GALK1: variants seen among roughly 807,000 people sequenced by gnomAD.
The protein encoded by GALK1 is galactokinase 1.
In GALK1, 30 loss-of-function variants were observed where a neutral mutation model predicts 38.6. That is an observed-to-expected ratio of 0.78 (90% CI 0.58 to 1.05). The LOEUF (loss-of-function observed/expected upper bound fraction) is 1.05. Among genes scored for constraint, GALK1 ranks in the 50% least tolerant of loss-of-function variants. The pLI, the probability that GALK1 is intolerant of heterozygous loss-of-function variation, is 0.00. For missense variants in GALK1, 512 were observed against 540.5 expected (o/e 0.95, Z 0.52); for synonymous variants, 240 against 233.6 (o/e 1.03, Z -0.25).
chr17:75,754,529 C>G (rs200717512), downstream of GALK1: 13 of 1,611,568 alleles, frequency 8.1e-6, no homozygotes, highest in Admixed American at 5.0e-5. Flanking sequence ...CCACGGGGCC[C>G]GGGTCTGGGG....
At chr17:75,757,097 C>G (rs750459836), downstream of GALK1, 2 of 1,612,968 alleles carry the variant, frequency 1.2e-6, no homozygotes, top group Non-Finnish European at 1.7e-6. Flanking sequence ...CCATAGAGTC[C>G]CAGGATGGAG....
chr17:75,759,906 A>C (rs1291607336), intron 5 of GALK1, among the ~76,000 whole-genome samples: 1 of 152,212 alleles, frequency 6.6e-6, no homozygotes, highest in Non-Finnish European at 1.5e-5. Context: ...TAATCTGTCC[A>C]GATGGGGTTC....
downstream of GALK1, chr17:75,754,921 TACAC>T (rs370162059): frequency 1.7e-3 from 2,723 of 1,563,400 alleles, 10 homozygotes; most frequent in African/African-American, 8.8e-3. Context: ...TTCTCCAACA[TACAC>T]ACACGCATGC....
At chr17:75,758,649 C>G in intron 5 of GALK1, 50 bp from the exon 6 acceptor site, 1 of 1,550,840 alleles carries the variant, frequency 6.4e-7, no homozygotes, top group Admixed American at 1.9e-5. Flanking sequence ...CCTGGGGCCC[C>G]GACGCCTGTG....
downstream of GALK1, chr17:75,756,896 G>A (rs760243772): frequency 1.9e-6 from 3 of 1,612,214 alleles, no homozygotes; most frequent in South Asian, 1.1e-5. Flanking sequence ...GGCCAGGGGA[G>A]GGGTAAAGAG....
Position 75,763,010 on chromosome 17 carries a change from C to G in GALK1, c.611+4G>C, listed in dbSNP as rs767887241. The stretch of plus-strand genomic sequence containing the variant: ...CGGGAGGGGACGAGGGGAGCGAGCC[C>G]AACCTGCAGTCAATGAGCAGCGCGT... On this transcript the variant is annotated splice_donor_region_variant and intron_variant, in intron 4 of 7. Coordinates refer to ENST00000588479, the MANE Select transcript of GALK1 (RefSeq NM_000154.2). The G allele has an allele frequency of 2.5e-6, 4 of 1,612,800 alleles. No homozygotes were observed. The highest frequency in any genetic ancestry group is 2.5e-6 in the Non-Finnish European group (3 of 1,180,010).
downstream of GALK1, chr17:75,756,701 C>G: frequency 6.2e-7 from 1 of 1,613,480 alleles, no homozygotes. Context: ...CTACTGCCCC[C>G]AGGCTCCGCC....
chr17:75,758,826 G>A (rs2061570968), intron 5 of GALK1, among the ~76,000 whole-genome samples: 1 of 152,232 alleles, frequency 6.6e-6, no homozygotes, highest in South Asian at 2.1e-4. Context: ...TCAGGGAGCA[G>A]TGAGGGTTGA....
At chr17:75,763,284 A>G in intron 3 of GALK1, 36 bp downstream of exon 3, 1 of 1,613,880 alleles carries the variant, frequency 6.2e-7, no homozygotes, top group African/African-American at 1.3e-5. Context: ...ACCTCAGGGA[A>G]GGAGGGCTGG....
chr17:75,752,189 T>A, intron 8 of GALK1: 1 of 1,613,898 alleles, frequency 6.2e-7, no homozygotes, highest in East Asian at 2.2e-5. Context: ...ATTGGGCCCA[T>A]GAAGAAAGTG....
At position 75,763,386 on chromosome 17, in the gene GALK1, C is replaced by T. The variant is rs1555748630; in HGVS notation, c.409G>A (p.Gly137Ser). 6.2e-7 allele frequency: 1 copy of T among 1,613,124 alleles called. No homozygotes were observed. Among genetic ancestry groups the T allele is most frequent in the South Asian group, 1.1e-5 (1 of 90,908 alleles). ...AVVVSSVPLG[G>S]GLSSSASLEV... ...AAGGATGCTGAGCTGGACAGGCCAC[C>T]CCCCAGGGGCACTGAGCTGACCACC... Residue 137 changes from glycine (G) to serine (S), a missense_variant, in exon 3 of 8, where the codon GGT becomes AGT. By Grantham distance (56) the Gly-to-Ser change is moderately conservative. Transcript: ENST00000588479.
chr17:75,761,363 T>C lies in GALK1; in HGVS notation c.793+1341A>G, dbSNP rs981634957. On this transcript the variant is annotated intron_variant, in intron 5 of 7. Transcript: ENST00000588479. ...GAGGCCAGGTGCAGTGGCTCACACA[T>C]GTAATCCTAGCACATTGGGAGGCTG... Among the ~76,000 whole-genome samples, 6 of 152,096 alleles carry C rather than the reference T, an allele frequency of 3.9e-5. No homozygotes were observed. The East Asian group carries it at 1.2e-3, about 29-fold the overall frequency.
At chr17:75,759,975 A>G (rs910341839) in intron 5 of GALK1, among the ~76,000 whole-genome samples, 1 of 152,352 alleles carries the variant, frequency 6.6e-6, no homozygotes, top group Admixed American at 6.5e-5. Flanking sequence ...CAACTATGGT[A>G]GCAGAATGTG....
At chr17:75,757,242 A>G (rs753293175), downstream of GALK1, 14 of 1,611,588 alleles carry the variant, frequency 8.7e-6, no homozygotes, top group Non-Finnish European at 1.2e-5. Flanking sequence ...CTCTTCCAGC[A>G]CCCGCTGCAA....
chr17:75,760,514 C>A (rs1436405903), intron 5 of GALK1, among the ~76,000 whole-genome samples: 1 of 151,528 alleles, frequency 6.6e-6, no homozygotes, highest in Admixed American at 6.6e-5. Flanking sequence ...GCCTGTAATC[C>A]CAGCACTTTG....
At chr17:75,754,886 TTC>T, downstream of GALK1, 1 of 1,603,868 alleles carries the variant, frequency 6.2e-7, no homozygotes. Flanking sequence ...AGCCTCGGGC[TTC>T]TGTCTGCTGT....
At chr17:75,754,030 T>G, downstream of GALK1, 1 of 837,682 alleles carries the variant, frequency 1.2e-6, no homozygotes, top group Non-Finnish European at 1.6e-6. Context: ...CACTCGCGCC[T>G]GAGGGCCTGG....
downstream of GALK1, chr17:75,756,787 T>C (rs761813808): frequency 5.0e-6 from 8 of 1,612,612 alleles, no homozygotes; most frequent in East Asian, 1.8e-4. Context: ...GCAGCTGAGC[T>C]GGGAGCGGCC....
downstream of GALK1, chr17:75,756,341 G>A (rs1205790238): frequency 6.2e-6 from 9 of 1,461,182 alleles, no homozygotes; most frequent in African/African-American, 4.2e-5. Flanking sequence ...TGATAACTAG[G>A]TCTCGATGGC....
Sources: gnomAD v4.1 joint callset for allele counts (sites outside exome capture counted in the v4.1 genomes callset) on GRCh38, gnomAD v4.1.1 for gene constraint, MANE v1.5 for transcripts, NCBI Gene and HGNC (gene_info 2026-07-23, HGNC 2026-07-21) for gene names.